DYM: variants seen among roughly 807,000 people sequenced by gnomAD.
DYM encodes dymeclin.
DYM carries 78 observed loss-of-function variants against 93.1 expected under a neutral mutation model. The ratio of observed to expected loss-of-function variants is 0.84; its 90% CI spans 0.70 to 1.01. DYM has a LOEUF of 1.01. Ranked by LOEUF, DYM falls within the 50% of genes least tolerant of loss-of-function variation. The pLI is 0.00. For missense variants in DYM, 789 were observed against 845.0 expected (o/e 0.93, Z 0.82); for synonymous variants, 321 against 319.7 (o/e 1.00, Z -0.04).
intron 10 of DYM, among the ~76,000 whole-genome samples, chr18:49,276,804 A>G (rs145282758): frequency 5.9e-5 from 9 of 152,274 alleles, no homozygotes; most frequent in Non-Finnish European, 1.0e-4. Flanking sequence ...TTTGACTCTA[A>G]TATACTCACT....
chr18:49,113,600 G>T (rs756188111), intron 16 of DYM, among the ~76,000 whole-genome samples: 1 of 152,040 alleles, frequency 6.6e-6, no homozygotes, highest in Admixed American at 6.5e-5. Context: ...CAGTAGATTC[G>T]TCTCCTCCAC....
At chr18:49,087,542 A>G (rs1056283052) in intron 17 of DYM, among the ~76,000 whole-genome samples, 1 of 152,220 alleles carries the variant, frequency 6.6e-6, no homozygotes, top group Non-Finnish European at 1.5e-5. Flanking sequence ...TAAATATGAC[A>G]TTAAGCCATT....
chr18:49,258,529 T>C (rs1362204162), intron 11 of DYM, 36 bp from the exon 12 acceptor site: 3 of 1,290,632 alleles, frequency 2.3e-6, no homozygotes, highest in Non-Finnish European at 3.4e-6. Flanking sequence ...TAAAAAATGA[T>C]TGCTTTACAG....
intron 1 of DYM, among the ~76,000 whole-genome samples, chr18:49,445,939 A>G (rs2082056211): frequency 2.0e-5 from 3 of 152,142 alleles, no homozygotes; most frequent in Non-Finnish European, 2.9e-5. Context: ...AAAGCTAAAC[A>G]CTATATTAAC....
intron 2 of DYM, among the ~76,000 whole-genome samples, chr18:49,403,790 A>G (rs1486282897): frequency 6.6e-6 from 1 of 150,884 alleles, no homozygotes; most frequent in East Asian, 2.0e-4. Context: ...CTTTATATAC[A>G]TAAGTAATCA....
chr18:49,398,064 C>T (rs2070332814), intron 2 of DYM, among the ~76,000 whole-genome samples: 1 of 152,088 alleles, frequency 6.6e-6, no homozygotes, highest in Non-Finnish European at 1.5e-5. Flanking sequence ...GTGAATATCC[C>T]GTTACCTTAA....
chr18:49,429,683 T>C (rs1281809588), intron 2 of DYM, among the ~76,000 whole-genome samples: 2 of 152,224 alleles, frequency 1.3e-5, no homozygotes, highest in Non-Finnish European at 2.9e-5. Flanking sequence ...ACATACACTT[T>C]GACCCAGCAA....
intron 15 of DYM, among the ~76,000 whole-genome samples, chr18:49,133,420 G>C (rs12454644): frequency 0.1 from 15,533 of 152,088 alleles, 1,023 homozygotes; most frequent in East Asian, 0.26. Flanking sequence ...AAAATTTGTC[G>C]TCTCACAGTT....
At chr18:49,279,683 G>A (rs2094924320) in intron 10 of DYM, among the ~76,000 whole-genome samples, 1 of 152,066 alleles carries the variant, frequency 6.6e-6, no homozygotes, top group African/African-American at 2.4e-5. Context: ...CCTGCTTATT[G>A]CCAACGTTTC....
At chr18:49,390,376 G>A (rs952191289) in intron 3 of DYM, among the ~76,000 whole-genome samples, 2 of 152,046 alleles carry the variant, frequency 1.3e-5, no homozygotes, top group Admixed American at 6.6e-5. Flanking sequence ...GCTGCAGTGA[G>A]CCACAATGGC....
At chr18:49,312,404 C>T (rs2061653203) in intron 8 of DYM, among the ~76,000 whole-genome samples, 1 of 152,170 alleles carries the variant, frequency 6.6e-6, no homozygotes, top group African/African-American at 2.4e-5. Flanking sequence ...GTTTTCTACA[C>T]TGTCGTGTCC....
chr18:49,267,724 C>T (rs552757533), intron 11 of DYM, among the ~76,000 whole-genome samples: 1 of 152,212 alleles, frequency 6.6e-6, no homozygotes, highest in African/African-American at 2.4e-5. Flanking sequence ...TGAAACATTC[C>T]TATCTCTAAT....
chr18:49,103,123 T>C (rs2080366681), intron 16 of DYM, among the ~76,000 whole-genome samples: 1 of 152,208 alleles, frequency 6.6e-6, no homozygotes, highest in Admixed American at 6.5e-5. Context: ...TGGTGTGAGA[T>C]GGTATCTCAT....
intron 9 of DYM, among the ~76,000 whole-genome samples, chr18:49,285,146 G>A (rs944305305): frequency 3.3e-5 from 5 of 152,206 alleles, no homozygotes; most frequent in African/African-American, 1.2e-4. Flanking sequence ...AGAACTGTGA[G>A]AAATAGATTT....
intron 17 of DYM, among the ~76,000 whole-genome samples, chr18:49,087,767 C>A (rs1343907633): frequency 1.3e-5 from 2 of 152,050 alleles, no homozygotes; most frequent in African/African-American, 4.8e-5. Context: ...TCTCCACATC[C>A]TCTCCAGCAC....
chr18:49,409,495 G>C lies in DYM; in HGVS notation c.141-17850C>G, dbSNP rs531305292. On this transcript the variant is annotated intron_variant, in intron 2 of 17. Coordinates refer to ENST00000675505, the MANE Select transcript of DYM (RefSeq NM_001353214.3). ...TAGATCTGCTCTCCACCACAACTCA[G>C]GGGAGACCCCACCACAGCTCATGAA... Among the ~76,000 whole-genome samples the C allele has an allele frequency of 1.1e-4, 17 of 152,224 alleles. No homozygotes were observed. In the South Asian group the frequency reaches 1.2e-3, roughly 11 times the overall value.
chr18:49,315,814 G>A (rs1187969119), intron 8 of DYM, among the ~76,000 whole-genome samples: 1 of 152,112 alleles, frequency 6.6e-6, no homozygotes, highest in Non-Finnish European at 1.5e-5. Flanking sequence ...AAACATCTCA[G>A]TGATAACCAT....
intron 14 of DYM, among the ~76,000 whole-genome samples, chr18:49,179,251 A>C (rs1281989410): frequency 6.6e-6 from 1 of 152,136 alleles, no homozygotes; most frequent in African/African-American, 2.4e-5. Flanking sequence ...TAAAATCTGA[A>C]GCTCAGTAGC....
intron 14 of DYM, among the ~76,000 whole-genome samples, chr18:49,174,791 A>G (rs1673603150): frequency 6.6e-6 from 1 of 152,176 alleles, no homozygotes; most frequent in African/African-American, 2.4e-5. Context: ...TCACAGAGAA[A>G]ACCCATGTGC....
Sources: allele counts gnomAD v4.1 joint callset (sites outside exome capture counted in the v4.1 genomes callset), GRCh38; gene constraint gnomAD v4.1.1; transcripts MANE v1.5; gene names NCBI Gene and HGNC (gene_info 2026-07-23, HGNC 2026-07-21).